Variants in LEF1 observed in about 807,000 individuals in gnomAD.
LEF1 encodes the protein lymphoid enhancer-binding factor 1.
LEF1 carries 14 observed loss-of-function variants against 51.2 expected under a neutral mutation model. The ratio of observed to expected loss-of-function variants is 0.27; its 90% CI spans 0.18 to 0.43. The LOEUF (loss-of-function observed/expected upper bound fraction) is 0.43. Ranked by LOEUF, LEF1 falls within the 20% of genes least tolerant of loss-of-function variation. The pLI, the probability that LEF1 is intolerant of heterozygous loss-of-function variation, is 1.00. For missense variants in LEF1, 386 were observed against 512.0 expected (o/e 0.75, Z 2.37); for synonymous variants, 185 against 183.2 (o/e 1.01, Z -0.08).
At chr4:108,110,022 T>C (rs1219346896) in intron 3 of LEF1, among the ~76,000 whole-genome samples, 1 of 152,112 alleles carries the variant, frequency 6.6e-6, no homozygotes, top group Non-Finnish European at 1.5e-5. Flanking sequence ...TAAAGTCTAG[T>C]GGGGGAAAGG....
chr4:108,072,612 TGC>T (rs1269276171), intron 8 of LEF1, among the ~76,000 whole-genome samples: 1 of 152,164 alleles, frequency 6.6e-6, no homozygotes, highest in East Asian at 1.9e-4. Context: ...TCAGGTGATG[TGC>T]TTTTGTTTAA....
chr4:108,052,308 T>C (rs1737054206), intron 11 of LEF1, among the ~76,000 whole-genome samples: 1 of 152,236 alleles, frequency 6.6e-6, no homozygotes. Flanking sequence ...AAAAGTGAGT[T>C]GGAATAAAAG....
At chr4:108,093,825 AC>A (rs1219076959) in intron 3 of LEF1, among the ~76,000 whole-genome samples, 1 of 152,044 alleles carries the variant, frequency 6.6e-6, no homozygotes, top group Non-Finnish European at 1.5e-5. Context: ...GAAGCTTGAA[AC>A]CCTTTCTTAA....
At chr4:108,050,503 C>T (rs896170597) in intron 11 of LEF1, among the ~76,000 whole-genome samples, 6 of 152,086 alleles carry the variant, frequency 3.9e-5, no homozygotes, top group African/African-American at 7.2e-5. Flanking sequence ...CAAAGAGCTA[C>T]GAAGGACCCT....
chr4:108,062,554 C>T (rs951285966), intron 11 of LEF1, among the ~76,000 whole-genome samples: 2 of 152,114 alleles, frequency 1.3e-5, no homozygotes, highest in Non-Finnish European at 2.9e-5. Context: ...CACTCAGTGG[C>T]GGGTGCTTTA....
chr4:108,106,079 G>T (rs1357857175), intron 3 of LEF1, among the ~76,000 whole-genome samples: 1 of 152,162 alleles, frequency 6.6e-6, no homozygotes, highest in Non-Finnish European at 1.5e-5. Context: ...AGTCACAAAT[G>T]CTCAGAGGTG....
At chr4:108,132,412 C>G (rs567712348) in intron 3 of LEF1, among the ~76,000 whole-genome samples, 77 of 152,122 alleles carry the variant, frequency 5.1e-4, no homozygotes, top group African/African-American at 1.9e-3. Flanking sequence ...TTTTGCAACT[C>G]GAGTCTCATT....
intron 3 of LEF1, among the ~76,000 whole-genome samples, chr4:108,112,361 C>G (rs1241844155): frequency 6.6e-6 from 1 of 152,176 alleles, no homozygotes; most frequent in Non-Finnish European, 1.5e-5. Context: ...GTAGAGTGTT[C>G]TGATCCTGGT....
intron 3 of LEF1, among the ~76,000 whole-genome samples, chr4:108,148,710 C>T (rs913925019): frequency 1.3e-5 from 2 of 152,182 alleles, no homozygotes; most frequent in African/African-American, 4.8e-5. Context: ...TAAATCATTC[C>T]TGAAAACATT....
At chr4:108,053,258 A>G (rs1350857149) in intron 11 of LEF1, among the ~76,000 whole-genome samples, 1 of 152,236 alleles carries the variant, frequency 6.6e-6, no homozygotes, top group Non-Finnish European at 1.5e-5. Context: ...CTGGAAATAT[A>G]ACCTACAAAA....
At chr4:108,086,849 C>CACACACACACACAT (rs1386012669) in intron 4 of LEF1, among the ~76,000 whole-genome samples, 1 of 152,052 alleles carries the variant, frequency 6.6e-6, no homozygotes, top group African/African-American at 2.4e-5. Flanking sequence ...CACACACACA[C>CACACACACACACAT]GTGAAAACTA....
intron 11 of LEF1, among the ~76,000 whole-genome samples, chr4:108,054,289 T>C (rs1337393140): frequency 2.0e-5 from 3 of 152,220 alleles, no homozygotes; most frequent in African/African-American, 7.2e-5. Context: ...GGGAGACGTA[T>C]GTGCAGAGCC....
Position 108,163,567 on chromosome 4 carries a change from C to G in LEF1, c.414+1G>C, listed in dbSNP as rs1745195695. 2 of 1,611,878 alleles carry G rather than the reference C, an allele frequency of 1.2e-6. No homozygotes were observed. The highest frequency in any genetic ancestry group is 1.7e-5 in the Admixed American group (1 of 59,652). On this transcript the variant is annotated splice_donor_variant, in intron 3 of 11. Transcript: ENST00000265165. LOFTEE classifies it high-confidence loss of function. ...ATTTGCAACATCAGCATGTTACTTA[C>G]TGTTCTCGGGATGGGTGGAGAAAGA...
At chr4:108,069,936 C>T (rs1361260771) in intron 9 of LEF1, among the ~76,000 whole-genome samples, 6 of 137,228 alleles carry the variant, frequency 4.4e-5, no homozygotes, top group South Asian at 5.1e-4. Flanking sequence ...CCAGCCTGGG[C>T]GACAGAGTGA....
chr4:108,064,382 A>G lies in LEF1; in HGVS notation c.1119T>C (p.Gly373=), dbSNP rs1480020954. ...YPGWSARDNY[G]KKKKRKREKL... ...TCTCTCTCTTCCTCTTCTTTTTCTT[A>G]CCCTGGAAGAAGAGAGGTATACTGT... The change falls in exon 10 of 12, where the codon GGT becomes GGC. Residue 373 remains glycine (G), a splice_region_variant and synonymous_variant. Transcript: ENST00000265165. The G allele has an allele frequency of 6.2e-7, 1 of 1,607,584 alleles. No individual in the cohort carries two copies. The highest frequency in any genetic ancestry group is 8.5e-7 in the Non-Finnish European group (1 of 1,174,352).
intron 6 of LEF1, among the ~76,000 whole-genome samples, 167 bp downstream of exon 6, chr4:108,081,419 G>C (rs1030076981): frequency 6.6e-6 from 1 of 151,936 alleles, no homozygotes; most frequent in African/African-American, 2.4e-5. Flanking sequence ...GCTCCTACCC[G>C]GGACTCTCTC....
chr4:108,081,036 C>T (rs1458029458), intron 6 of LEF1, among the ~76,000 whole-genome samples: 1 of 152,110 alleles, frequency 6.6e-6, no homozygotes, highest in Non-Finnish European at 1.5e-5. Flanking sequence ...CCACACAGGG[C>T]CTGATTCACA....
At chr4:108,139,411 A>G (rs922166) in intron 3 of LEF1, among the ~76,000 whole-genome samples, 41,534 of 152,214 alleles carry the variant, frequency 0.27, 6,535 homozygotes, top group East Asian at 0.64. Flanking sequence ...CATGGCATCT[A>G]CATCTACAAT....
chr4:108,107,279 T>C (rs1161190322), intron 3 of LEF1, among the ~76,000 whole-genome samples: 1 of 151,824 alleles, frequency 6.6e-6, no homozygotes, highest in African/African-American at 2.4e-5. Context: ...TTTTTTTTTT[T>C]CTTTTTTTGG....
Sources: allele counts gnomAD v4.1 joint callset (sites outside exome capture counted in the v4.1 genomes callset), GRCh38; gene constraint gnomAD v4.1.1; transcripts MANE v1.5; gene names NCBI Gene and HGNC (gene_info 2026-07-23, HGNC 2026-07-21).